ANKRD11: variants seen among roughly 807,000 people sequenced by gnomAD.
ANKRD11 encodes the protein ankyrin repeat domain-containing protein 11.
ANKRD11 carries 17 observed loss-of-function variants against 195.7 expected under a neutral mutation model. The observed-to-expected ratio is 0.09, with a 90% CI of 0.06 to 0.13. The LOEUF (loss-of-function observed/expected upper bound fraction) is 0.13. ANKRD11 is among the 10% of genes least tolerant of loss of function. The pLI, the probability that ANKRD11 is intolerant of heterozygous loss-of-function variation, is 1.00. For missense variants in ANKRD11, 3,735 were observed against 3,566.1 expected, an observed-to-expected ratio of 1.05 and a Z score of -1.21; for synonymous variants, 1,953 against 1,528.1, an observed-to-expected ratio of 1.28 and a Z score of -6.49.
chr16:89,349,336 C>T (rs1366105519), intron 2 of ANKRD11, among the ~76,000 whole-genome samples: 11 of 151,380 alleles, frequency 7.3e-5, no homozygotes, highest in African/African-American at 2.7e-4. Flanking sequence ...AAAAATTAGC[C>T]GGGCGTGGTG....
chr16:89,451,207 G>T (rs905366409), intron 1 of ANKRD11, among the ~76,000 whole-genome samples: 1 of 152,168 alleles, frequency 6.6e-6, no homozygotes, highest in Non-Finnish European at 1.5e-5. Flanking sequence ...AGCCTAACAA[G>T]TGGGTCAAGT....
Position 89,281,177 on chromosome 16 carries a change from G to A in ANKRD11, c.5365C>T (p.Arg1789Cys), listed in dbSNP as rs1235048496. 10 of 1,614,184 alleles carry A rather than the reference G, an allele frequency of 6.2e-6. No individual in the cohort carries two copies. The highest frequency in any genetic ancestry group is 1.1e-5 in the South Asian group (1 of 91,084). The change falls in exon 9 of 13, where the codon CGC becomes TGC. Residue 1789 changes from arginine (R) to cysteine (C), a missense_variant. Coordinates refer to ENST00000301030, the MANE Select transcript of ANKRD11 (RefSeq NM_013275.6). The surrounding 1 kb of genome is among the most constrained non-coding windows in gnomAD (Gnocchi z 5.5). Reference protein sequence around the residue: ...PARPLSTNLYRSVSVDIRRTP... With the variant: ...PARPLSTNLYCSVSVDIRRTP... The stretch of plus-strand genomic sequence containing the variant: ...CTCCTAATGTCGACAGAGACCGAGC[G>A]GTAAAGGTTTGTGGAGAGAGGCCTG...
At chr16:89,411,215 C>T (rs1259706748) in intron 2 of ANKRD11, among the ~76,000 whole-genome samples, 2 of 152,262 alleles carry the variant, frequency 1.3e-5, no homozygotes, top group Non-Finnish European at 2.9e-5. Flanking sequence ...CATCCCCTCT[C>T]GTGTGTGCTG....
In ANKRD11 at chr16:89,282,818, C is replaced by A. The variant is rs1193737081; in HGVS notation, c.3724G>T (p.Ala1242Ser). Residue 1242 changes from alanine (A) to serine (S), a missense_variant, in exon 9 of 13, where the codon GCT becomes TCT. Physicochemically the swap from Ala to Ser is moderately conservative, Grantham distance 99 (BLOSUM62 1). Coordinates refer to ENST00000301030, the MANE Select transcript of ANKRD11 (RefSeq NM_013275.6). ...KKNKQKLPEK[A>S]EKKHAAEDKA... is the part of the protein sequence containing the mutation. ...TCTTCGGCAGCGTGCTTCTTTTCAG[C>A]CTTCTCGGGGAGCTTCTGTTTATTT... The A allele has an allele frequency of 6.2e-7, 1 of 1,611,270 alleles. No homozygotes were observed. The highest frequency in any genetic ancestry group is 1.3e-5 in the African/African-American group (1 of 75,006).
intron 1 of ANKRD11, among the ~76,000 whole-genome samples, chr16:89,430,603 G>T (rs535179881): frequency 6.6e-6 from 1 of 152,124 alleles, no homozygotes; most frequent in Admixed American, 6.5e-5. Context: ...CAGCAGGTGC[G>T]CTGTCCTTTA....
chr16:89,460,979 C>CT (rs2056636602), intron 1 of ANKRD11, among the ~76,000 whole-genome samples: 1 of 90,234 alleles, frequency 1.1e-5, no homozygotes, highest in Admixed American at 1.1e-4. Context: ...ACCCCCCCCC[C>CT]CAACAGGAGA....
At chr16:89,387,340 C>A (rs1356777884) in intron 2 of ANKRD11, among the ~76,000 whole-genome samples, 2 of 151,742 alleles carry the variant, frequency 1.3e-5, no homozygotes, top group Non-Finnish European at 2.9e-5. Flanking sequence ...GATAGTCAGG[C>A]CTCCCACTCT....
intron 2 of ANKRD11, among the ~76,000 whole-genome samples, chr16:89,334,019 T>C (rs2038201509): frequency 6.6e-6 from 1 of 151,452 alleles, no homozygotes; most frequent in Non-Finnish European, 1.5e-5. Context: ...ATCTATAAAA[T>C]ACAGAAATAA....
At position 89,281,289 on chromosome 16, in the gene ANKRD11, A is replaced by T. The variant is rs960304355; in HGVS notation, c.5253T>A (p.Ala1751=). Residue 1751 remains alanine (A), a synonymous_variant, in exon 9 of 13, where the codon GCT becomes GCA. Coordinates refer to ENST00000301030, the MANE Select transcript of ANKRD11 (RefSeq NM_013275.6). The surrounding 1 kb of genome is among the most constrained non-coding windows in gnomAD (Gnocchi z 5.5). ...AGGAGGGGGAGCAGGCGCTGGTGGG[A>T]GCGGTGGGCACGGGCGTGGAGTGCT... ...DSQHSTPVPT[A]PTSACSPSFF... is the part of the protein sequence containing the mutation. The T allele has an allele frequency of 1.9e-6, 3 of 1,614,068 alleles. No homozygotes were observed. Among genetic ancestry groups the T allele is most frequent in the Non-Finnish European group, 2.5e-6 (3 of 1,180,014 alleles).
Position 89,282,083 on chromosome 16 carries a change from G to A in ANKRD11, c.4459C>T (p.His1487Tyr), listed in dbSNP as rs971163976. ...TGCCGCAGGAGCTCGTCCCTGTGAT[G>A]CCGCAGCAGCCCATCCGCATGCCTG... ...RDRHADGLLR[H>Y]HRDELLRHHR... The change falls in exon 9 of 13, where the codon CAT becomes TAT. Residue 1487 changes from histidine (H) to tyrosine (Y), a missense_variant. His to Tyr is a moderately conservative substitution (Grantham distance 83, BLOSUM62 2). Coordinates refer to ENST00000301030, the MANE Select transcript of ANKRD11 (RefSeq NM_013275.6). The A allele has an allele frequency of 2.5e-6, 4 of 1,613,496 alleles. No homozygotes were observed. The African/African-American group carries it at 5.3e-5, about 22-fold the overall frequency.
At chr16:89,461,186 C>A (rs993885627) in intron 1 of ANKRD11, among the ~76,000 whole-genome samples, 1 of 133,248 alleles carries the variant, frequency 7.5e-6, no homozygotes, top group Non-Finnish European at 1.7e-5. Flanking sequence ...TATGACCCCC[C>A]CCCCCCCCTT....
chr16:89,435,325 G>A (rs1224974005), intron 1 of ANKRD11, among the ~76,000 whole-genome samples: 2 of 152,176 alleles, frequency 1.3e-5, no homozygotes, highest in African/African-American at 2.4e-5. Context: ...CGTGGGCAGG[G>A]CCGAATAAGG....
chr16:89,463,735 T>C (rs1483468610), intron 1 of ANKRD11, among the ~76,000 whole-genome samples: 2 of 151,452 alleles, frequency 1.3e-5, no homozygotes, highest in Non-Finnish European at 2.9e-5. Flanking sequence ...AATTTCAACG[T>C]AGTATTCCAC....
In ANKRD11 at chr16:89,285,199, T is replaced by C; in HGVS notation, c.1343A>G (p.Gln448Arg). 8.7e-6 allele frequency: 14 copies of C among 1,613,802 alleles called. No homozygotes were observed. The highest frequency in any genetic ancestry group is 1.2e-5 in the Non-Finnish European group (14 of 1,180,038). ...CTTTTTCACTTTATTTTTTTCCTTC[T>C]GCTGCTTGGCATTAGAAGGCTCTCG... Reference protein sequence around the residue: ...KTREPSNAKQQKEKNKVKKKR... With the variant: ...KTREPSNAKQRKEKNKVKKKR... Residue 448 changes from glutamine to arginine, a missense_variant, in exon 9 of 13, where the codon CAG (glutamine) becomes CGG (arginine). By Grantham distance (43) the Gln-to-Arg change is conservative (BLOSUM62 1). Transcript: ENST00000301030. The surrounding 1 kb of genome is among the most constrained non-coding windows in gnomAD (Gnocchi z 5.6).
At chr16:89,332,233 T>C (rs1379603072) in intron 2 of ANKRD11, among the ~76,000 whole-genome samples, 1 of 152,228 alleles carries the variant, frequency 6.6e-6, no homozygotes, top group Admixed American at 6.5e-5. Context: ...TAAAGGATCA[T>C]TTTACAAGCA....
At chr16:89,470,680 C>T (rs571765181) in intron 1 of ANKRD11, among the ~76,000 whole-genome samples, 1 of 152,138 alleles carries the variant, frequency 6.6e-6, no homozygotes, top group African/African-American at 2.4e-5. Flanking sequence ...CCAGTCTCTA[C>T]TAAAAATACA....
At position 89,334,144 on chromosome 16, in the gene ANKRD11, T is replaced by TAAA. The variant is rs869142504; in HGVS notation, c.-59-17069_-59-17067dup. ...GGTAACATGATGAAACCCTGTGTTT[T>TAAA]AAAAAAAAAAAAAAAAAAAAAAAAA... On this transcript the variant is annotated intron_variant, in intron 2 of 12. Transcript: ENST00000301030. Among the ~76,000 whole-genome samples the TAAA allele has an allele frequency of 5.3e-3, 218 of 41,374 alleles. 19 individuals carry two copies. The highest frequency in any genetic ancestry group is 0.013 in the African/African-American group (131 of 10,436). The allele number at this position is 41,374 out of a possible 152,430, so 27.1% of individuals were successfully genotyped here.
At chr16:89,377,257 C>T (rs112917137) in intron 2 of ANKRD11, among the ~76,000 whole-genome samples, 7,356 of 152,074 alleles carry the variant, frequency 0.048, 449 homozygotes, top group African/African-American at 0.14. Flanking sequence ...ATGGAAAGGA[C>T]TGTCAACATG....
intron 2 of ANKRD11, among the ~76,000 whole-genome samples, chr16:89,349,070 G>T: frequency 7.8e-6 from 1 of 127,688 alleles, no homozygotes; most frequent in Non-Finnish European, 1.6e-5. Context: ...GGAGGTTACA[G>T]TGAGTCTAGA....
Sources: allele counts gnomAD v4.1 joint callset (sites outside exome capture counted in the v4.1 genomes callset), GRCh38; gene constraint gnomAD v4.1.1; non-coding constraint Gnocchi (gnomAD v3.1); transcripts MANE v1.5; gene names NCBI Gene and HGNC (gene_info 2026-07-23, HGNC 2026-07-21).